The following TRAPPC9 variants were observed in gnomAD, a reference collection of about 807,000 sequenced individuals.
The protein encoded by TRAPPC9 is trafficking protein particle complex subunit 9.
A neutral mutation model predicts 124.0 loss-of-function variants in TRAPPC9; 83 were observed. That is an observed-to-expected ratio of 0.67 (90% CI 0.56 to 0.80). The LOEUF (loss-of-function observed/expected upper bound fraction) is 0.80, where lower values mean the gene tolerates loss of function less well. TRAPPC9 is among the 30% of genes least tolerant of loss of function. TRAPPC9 has a pLI of 0.00. For missense variants in TRAPPC9, 1,302 were observed against 1,508.3 expected (o/e 0.86, Z 2.27); for synonymous variants, 638 against 617.5 (o/e 1.03, Z -0.49).
At chr8:140,136,201 G>A (rs1007256725) in intron 17 of TRAPPC9, among the ~76,000 whole-genome samples, 1 of 152,096 alleles carries the variant, frequency 6.6e-6, no homozygotes, top group African/African-American at 2.4e-5. Context: ...AGTGGGCAGA[G>A]GAGAGGGCTG....
At chr8:140,223,461 C>T (rs978597847) in intron 16 of TRAPPC9, among the ~76,000 whole-genome samples, 1 of 152,176 alleles carries the variant, frequency 6.6e-6, no homozygotes, top group African/African-American at 2.4e-5. Context: ...AAGTCTGAAA[C>T]TCACACTCGG....
At chr8:139,830,495 T>C (rs375315239) in intron 21 of TRAPPC9, among the ~76,000 whole-genome samples, 87 of 149,254 alleles carry the variant, frequency 5.8e-4, no homozygotes, top group African/African-American at 2.0e-3. Flanking sequence ...CAGATACAAA[T>C]AAGGATGCAC....
At chr8:140,360,945 C>A (rs528852140) in intron 8 of TRAPPC9, among the ~76,000 whole-genome samples, 1 of 152,270 alleles carries the variant, frequency 6.6e-6, no homozygotes, top group Non-Finnish European at 1.5e-5. Flanking sequence ...CCATGTTGCC[C>A]AGGCTGGTCT....
intron 11 of TRAPPC9, among the ~76,000 whole-genome samples, chr8:140,295,974 T>G (rs538329924): frequency 6.6e-6 from 1 of 152,168 alleles, no homozygotes; most frequent in African/African-American, 2.4e-5. Context: ...TCAGCCCAGA[T>G]GAGCAGGTAC....
intron 19 of TRAPPC9, among the ~76,000 whole-genome samples, chr8:139,923,932 T>C (rs1254669356): frequency 6.6e-6 from 1 of 152,202 alleles, no homozygotes; most frequent in Non-Finnish European, 1.5e-5. Flanking sequence ...AAGTGAAATC[T>C]CATTTTCCCT....
intron 17 of TRAPPC9, among the ~76,000 whole-genome samples, chr8:140,135,855 A>G (rs2061295255): frequency 1.3e-5 from 2 of 152,244 alleles, no homozygotes; most frequent in African/African-American, 4.8e-5. Context: ...TGAGTTAAGA[A>G]GCAGTGGTTG....
chr8:139,735,922 C>T (rs779701278), intron 21 of TRAPPC9, among the ~76,000 whole-genome samples: 4 of 152,058 alleles, frequency 2.6e-5, no homozygotes, highest in Non-Finnish European at 4.4e-5. Context: ...AGGTGTGAGG[C>T]CAGGGTGGTA....
intron 5 of TRAPPC9, among the ~76,000 whole-genome samples, chr8:140,423,669 C>T (rs1588328671): frequency 6.6e-6 from 1 of 150,836 alleles, no homozygotes; most frequent in Admixed American, 6.6e-5. Context: ...CACATATATA[C>T]ACATATACAC....
intron 21 of TRAPPC9, among the ~76,000 whole-genome samples, chr8:139,868,621 C>T (rs1828698281): frequency 6.6e-6 from 1 of 152,188 alleles, no homozygotes; most frequent in South Asian, 2.1e-4. Flanking sequence ...CTGGTCCTTG[C>T]TTTGCAGACT....
intron 19 of TRAPPC9, among the ~76,000 whole-genome samples, chr8:139,949,786 T>A (rs555992139): frequency 9.2e-5 from 14 of 152,190 alleles, no homozygotes; most frequent in African/African-American, 3.1e-4. Context: ...GTAGGAGTTT[T>A]TGTAGCATGG....
At chr8:140,072,976 T>C (rs1480185553) in intron 17 of TRAPPC9, among the ~76,000 whole-genome samples, 2 of 152,166 alleles carry the variant, frequency 1.3e-5, no homozygotes, top group East Asian at 3.8e-4. Flanking sequence ...TCCTTAGAAT[T>C]AGGGAACCAT....
chr8:140,018,347 G>T (rs1293020741), intron 18 of TRAPPC9, among the ~76,000 whole-genome samples: 7 of 36,980 alleles, frequency 1.9e-4, no homozygotes, highest in East Asian at 2.1e-3. Flanking sequence ...TTTTTGAGAC[G>T]GAGTCTCACT....
rs1260337788 is a variant in TRAPPC9 at position 139,729,313 on chromosome 8, G to A, written c.*1748C>T. Among the ~76,000 whole-genome samples, 2 of 152,246 alleles carry A rather than the reference G, an allele frequency of 1.3e-5. No individual in the cohort carries two copies. Among genetic ancestry groups the A allele is most frequent in the African/African-American group, 2.4e-5 (1 of 41,462 alleles). The stretch of plus-strand genomic sequence containing the variant: ...CCTGCAATGTGTTGTTTCATTCAAT[G>A]GCGTATTTTTGGGCTCTGTTGAGGT... On this transcript the variant is annotated 3_prime_UTR_variant, in exon 23 of 23. Coordinates refer to ENST00000438773, the MANE Select transcript of TRAPPC9 (RefSeq NM_001160372.4).
chr8:140,361,961 C>T (rs190012295), intron 8 of TRAPPC9, among the ~76,000 whole-genome samples: 33 of 152,260 alleles, frequency 2.2e-4, no homozygotes, highest in Admixed American at 1.5e-3. Flanking sequence ...TATTTGAAGA[C>T]GTTGCTCCAA....
chr8:140,259,327 TGG>T (rs1227749444), intron 15 of TRAPPC9, among the ~76,000 whole-genome samples: 1 of 152,124 alleles, frequency 6.6e-6, no homozygotes, highest in African/African-American at 2.4e-5. Context: ...ACGCCTCTAG[TGG>T]AACACCATCC....
chr8:140,338,964 C>T (rs1002325479), intron 9 of TRAPPC9, among the ~76,000 whole-genome samples: 1 of 133,250 alleles, frequency 7.5e-6, no homozygotes, highest in Non-Finnish European at 1.6e-5. Context: ...CGCCACCAGA[C>T]GGCCACCTAC....
intron 10 of TRAPPC9, 51 bp from the exon 11 acceptor site, chr8:140,300,665 T>G: frequency 5.0e-6 from 8 of 1,611,570 alleles, no homozygotes; most frequent in Non-Finnish European, 6.8e-6. Context: ...TTAGCGTGGT[T>G]TCAGGATAAA....
At chr8:139,804,949 A>G (rs4736007) in intron 21 of TRAPPC9, among the ~76,000 whole-genome samples, 93,619 of 152,044 alleles carry the variant, frequency 0.62, 29,045 homozygotes, top group South Asian at 0.66. Context: ...GGGAGCAGCA[A>G]GCTGGAGCTC....
chr8:139,932,827 A>G, intron 19 of TRAPPC9: 1 of 320,088 alleles, frequency 3.1e-6, no homozygotes, highest in East Asian at 8.3e-5. Flanking sequence ...TCTCGTTGAC[A>G]TGTAATGTAA....
Sources: allele counts gnomAD v4.1 joint callset (sites outside exome capture counted in the v4.1 genomes callset), GRCh38; gene constraint gnomAD v4.1.1; transcripts MANE v1.5; gene names NCBI Gene and HGNC (gene_info 2026-07-23, HGNC 2026-07-21).